ASTN2: variants seen among roughly 807,000 people sequenced by gnomAD.
ASTN2 encodes the protein astrotactin-2.
ASTN2 carries 54 observed loss-of-function variants against 139.8 expected under a neutral mutation model. The ratio of observed to expected loss-of-function variants is 0.39; its 90% CI spans 0.31 to 0.48. The LOEUF is 0.48. Ranked by LOEUF, ASTN2 falls within the 20% of genes least tolerant of loss-of-function variation. ASTN2 has a pLI of 0.95. For synonymous variants in ASTN2, 756 were observed against 719.5 expected, an observed-to-expected ratio of 1.05 and a Z score of -0.81; for missense variants, 1,565 against 1,725.1, an observed-to-expected ratio of 0.91 and a Z score of 1.64.
chr9:117,414,708 C>T lies in ASTN2; in HGVS notation c.231G>A (p.Arg77=), dbSNP rs751557854. 6 of 1,261,960 alleles carry T rather than the reference C, an allele frequency of 4.8e-6. No individual in the cohort carries two copies. In the South Asian group the frequency reaches 1.3e-4, roughly 27 times the overall value. The allele number at this position is 1,261,960 out of a possible 1,614,324, so 78.2% of individuals were successfully genotyped here. A position where few individuals can be genotyped will look rare whatever the true frequency, so the allele number is the denominator to read the frequency against. The part of the protein sequence containing the change: ...TVTVSTLPAL[R]ESDIGWSGAR... ...CGCCGCTCCAGCCGATGTCGCTCTC[C>T]CGCAGGGCGGGCAGTGTGGACACCG... is the stretch of plus-strand genomic sequence containing the variant. Residue 77 remains arginine, a synonymous_variant, in exon 1 of 23, where the codon CGG becomes CGA. Transcript: ENST00000313400. The surrounding 1 kb of genome is among the most constrained non-coding windows in gnomAD (Gnocchi z 4.2).
chr9:116,918,447 C>G (rs56355420), intron 10 of ASTN2, among the ~76,000 whole-genome samples: 43 of 152,290 alleles, frequency 2.8e-4, no homozygotes, highest in Non-Finnish European at 5.3e-4. Flanking sequence ...GTAAACAGGT[C>G]ACCATTCTTT....
chr9:117,139,908 A>C (rs1588006754), intron 4 of ASTN2, among the ~76,000 whole-genome samples: 1 of 152,316 alleles, frequency 6.6e-6, no homozygotes, highest in African/African-American at 2.4e-5. Context: ...GGTTGGTGCA[A>C]AAGTAATAGC....
intron 19 of ASTN2, among the ~76,000 whole-genome samples, chr9:116,569,253 C>T (rs1427617461): frequency 6.6e-6 from 1 of 152,194 alleles, no homozygotes; most frequent in African/African-American, 2.4e-5. Flanking sequence ...CAAGCCACTG[C>T]AAGTCTCAGA....
At chr9:116,672,807 T>C (rs571311065) in intron 16 of ASTN2, among the ~76,000 whole-genome samples, 1 of 152,344 alleles carries the variant, frequency 6.6e-6, no homozygotes, top group South Asian at 2.1e-4. Flanking sequence ...CCCTTCCAAC[T>C]GGGTGGTGTT....
At chr9:116,777,939 T>C (rs556414016) in intron 13 of ASTN2, among the ~76,000 whole-genome samples, 47 of 151,924 alleles carry the variant, frequency 3.1e-4, no homozygotes, top group Admixed American at 1.6e-3. Flanking sequence ...ACCTCCCGGG[T>C]TCAAGCAATT....
chr9:116,995,905 A>G (rs140299274), intron 7 of ASTN2, among the ~76,000 whole-genome samples: 43 of 152,216 alleles, frequency 2.8e-4, no homozygotes, highest in African/African-American at 9.1e-4. Flanking sequence ...CAGTGGTGTG[A>G]TCATAGCTCA....
chr9:117,070,777 C>A (rs368170437), intron 5 of ASTN2, among the ~76,000 whole-genome samples: 2 of 151,598 alleles, frequency 1.3e-5, no homozygotes, highest in African/African-American at 4.8e-5. Context: ...CCATTGCTGA[C>A]ACCCTTTCTT....
chr9:117,321,564 G>C (rs890555614), intron 1 of ASTN2, among the ~76,000 whole-genome samples: 1 of 152,168 alleles, frequency 6.6e-6, no homozygotes, highest in Non-Finnish European at 1.5e-5. Context: ...TAAACACCAT[G>C]AAAGTTCACT....
intron 19 of ASTN2, among the ~76,000 whole-genome samples, chr9:116,537,642 T>A (rs922966442): frequency 1.3e-4 from 20 of 152,116 alleles, no homozygotes; most frequent in African/African-American, 4.6e-4. Flanking sequence ...TTAGAGAAAA[T>A]TTTATGTATG....
chr9:117,226,411 G>T (rs1832713407), intron 2 of ASTN2, among the ~76,000 whole-genome samples: 3 of 152,090 alleles, frequency 2.0e-5, no homozygotes. Flanking sequence ...ACAAGTGAAT[G>T]CAAAAAGGAA....
At chr9:116,886,185 G>A (rs1005271373) in intron 10 of ASTN2, among the ~76,000 whole-genome samples, 1 of 152,196 alleles carries the variant, frequency 6.6e-6, no homozygotes, top group Non-Finnish European at 1.5e-5. Context: ...CTGTCCACAG[G>A]TCTGGTTTGC....
intron 16 of ASTN2, among the ~76,000 whole-genome samples, chr9:116,672,365 CAAA>C (rs938963301): frequency 1.5e-5 from 2 of 129,990 alleles, no homozygotes; most frequent in African/African-American, 2.8e-5. Flanking sequence ...GATCTTGTCT[CAAA>C]AAAAAAAAAA....
intron 2 of ASTN2, among the ~76,000 whole-genome samples, chr9:117,256,796 A>T (rs1474062841): frequency 6.6e-6 from 1 of 152,228 alleles, no homozygotes; most frequent in Admixed American, 6.5e-5. Context: ...TTAGTTTTTC[A>T]TTCAACAGCA....
intron 2 of ASTN2, among the ~76,000 whole-genome samples, chr9:117,233,766 A>G (rs773688093): frequency 4.6e-5 from 7 of 152,222 alleles, no homozygotes; most frequent in Non-Finnish European, 1.0e-4. Flanking sequence ...GAGACTGACC[A>G]AGGAAGAAAG....
intron 10 of ASTN2, among the ~76,000 whole-genome samples, chr9:116,917,965 A>C (rs1407087163): frequency 6.6e-6 from 1 of 152,126 alleles, no homozygotes; most frequent in African/African-American, 2.4e-5. Flanking sequence ...TAATTGAATC[A>C]TGGGGGCTGG....
intron 1 of ASTN2, among the ~76,000 whole-genome samples, chr9:117,360,491 G>C (rs1193433623): frequency 6.6e-6 from 1 of 152,196 alleles, no homozygotes; most frequent in Non-Finnish European, 1.5e-5. Flanking sequence ...AGCAAGAAAA[G>C]AGCAAGTGCG....
intron 4 of ASTN2, among the ~76,000 whole-genome samples, chr9:117,116,585 T>C (rs1227778681): frequency 6.6e-6 from 1 of 151,814 alleles, no homozygotes; most frequent in Non-Finnish European, 1.5e-5. Flanking sequence ...AAAAGTTTTT[T>C]TTTTTTTTTT....
intron 5 of ASTN2, among the ~76,000 whole-genome samples, chr9:117,093,030 G>A (rs1828745687): frequency 6.6e-6 from 1 of 152,162 alleles, no homozygotes; most frequent in Admixed American, 6.5e-5. Context: ...ACCTGAAGCT[G>A]GAAGCCAGGT....
At chr9:116,440,078 A>T (rs1847796482) in intron 22 of ASTN2, among the ~76,000 whole-genome samples, 1 of 152,206 alleles carries the variant, frequency 6.6e-6, no homozygotes, top group Non-Finnish European at 1.5e-5. Context: ...TTCTGTTTGA[A>T]TCATTCATGG....
Sources: allele counts gnomAD v4.1 joint callset (sites outside exome capture counted in the v4.1 genomes callset), GRCh38; gene constraint gnomAD v4.1.1; non-coding constraint Gnocchi (gnomAD v3.1); transcripts MANE v1.5; gene names NCBI Gene and HGNC (gene_info 2026-07-23, HGNC 2026-07-21).